POPDC2: variants seen among roughly 807,000 people sequenced by gnomAD.
The protein encoded by POPDC2 is popeye domain-containing protein 2.
POPDC2 carries 24 observed loss-of-function variants against 30.5 expected under a neutral mutation model. That is an observed-to-expected ratio of 0.79 (90% confidence interval 0.57 to 1.11). The LOEUF (loss-of-function observed/expected upper bound fraction) is 1.11. Ranked by LOEUF, POPDC2 falls within the 50% of genes least tolerant of loss-of-function variation. The probability of loss-of-function intolerance (pLI) is 0.00; values close to 1 mark genes in which losing one functional copy is unlikely to be tolerated. For missense variants in POPDC2, 409 were observed against 447.0 expected, an observed-to-expected ratio of 0.91 and a Z score of 0.77; for synonymous variants, 185 against 183.3, an observed-to-expected ratio of 1.01 and a Z score of -0.07.
chr3:119,649,786 T>G (rs1234688367), intron 2 of POPDC2, among the ~76,000 whole-genome samples: 5 of 152,220 alleles, frequency 3.3e-5, no homozygotes. Context: ...ATTCCTGTAT[T>G]GCCTACTGGA....
chr3:119,660,665 T>TC (rs1170255192), upstream of POPDC2: 1,238 of 132,428 alleles, frequency 9.3e-3, 21 homozygotes, highest in Non-Finnish European at 0.012. Context: ...TCCCCCCCTC[T>TC]CTCCTCCCCA....
chr3:119,651,006 C>T (rs77317937), intron 2 of POPDC2, among the ~76,000 whole-genome samples: 2,475 of 152,320 alleles, frequency 0.016, 81 homozygotes, highest in African/African-American at 0.055. Context: ...TTCTCTTTCT[C>T]TCACATACTA....
rs2052771409 is a variant in POPDC2, at chr3:119,648,539, T to C, written c.730A>G (p.Lys244Glu). 1 of 1,612,674 alleles carries C rather than the reference T, an allele frequency of 6.2e-7. No homozygotes were observed. Among genetic ancestry groups the C allele is most frequent in the South Asian group, 1.1e-5 (1 of 91,004 alleles). ...SALLGYDISEKLYTLNDKLFA... is the reference protein window; with the variant it reads ...SALLGYDISEELYTLNDKLFA... ...AGCTTGTCATTGAGAGTGTAGAGCT[T>C]CTCTGAGATGTCATATCCCAGCAGA... The change falls in exon 3 of 4, where the codon AAG becomes GAG. Residue 244 changes from lysine (K) to glutamate (E), a missense_variant. By Grantham distance (56) the Lys-to-Glu change is moderately conservative. Transcript: ENST00000493094.
At chr3:119,652,771 A>C (rs1020487004) in intron 2 of POPDC2, among the ~76,000 whole-genome samples, 1 of 152,164 alleles carries the variant, frequency 6.6e-6, no homozygotes, top group Non-Finnish European at 1.5e-5. Flanking sequence ...AACATGATGG[A>C]AGTGGATCTG....
At chr3:119,655,678 A>C (rs191336804) in intron 1 of POPDC2, among the ~76,000 whole-genome samples, 1 of 152,348 alleles carries the variant, frequency 6.6e-6, no homozygotes, top group Non-Finnish European at 1.5e-5. Flanking sequence ...TGTTCACAAC[A>C]CCACAAGGTA....
intron 1 of POPDC2, among the ~76,000 whole-genome samples, chr3:119,656,621 T>C (rs1304480914): frequency 1.3e-5 from 2 of 152,186 alleles, no homozygotes; most frequent in African/African-American, 4.8e-5. Flanking sequence ...GTATTTCAGA[T>C]GTGAGGCCAC....
chr3:119,643,369 T>C (rs1577165321), intron 3 of POPDC2: 2 of 1,534,754 alleles, frequency 1.3e-6, no homozygotes, highest in Middle Eastern at 1.7e-4. Context: ...TGCTGTACCT[T>C]TTGTTGTCAG....
At chr3:119,648,793 C>T (rs1267108602) in intron 2 of POPDC2, 125 bp from the exon 3 acceptor site, 12 of 795,910 alleles carry the variant, frequency 1.5e-5, no homozygotes, top group African/African-American at 3.5e-5. Flanking sequence ...GTGGGAGTAC[C>T]CCTCTATGGC....
At chr3:119,646,477 T>TA (rs1331347785) in intron 3 of POPDC2, among the ~76,000 whole-genome samples, 3 of 151,868 alleles carry the variant, frequency 2.0e-5, no homozygotes, top group Non-Finnish European at 4.4e-5. Context: ...CAAAAAAATT[T>TA]AAAAATTAAA....
At position 119,642,570 on chromosome 3, in the gene POPDC2, A is replaced by C; in HGVS notation, c.*44-9T>G. ...GAGAGGAATTCTAGAAGCTGTGGAA[A>C]GAAAAAGAGGGAGGATTTTAGCACT... On this transcript the variant is annotated splice_polypyrimidine_tract_variant and intron_variant, in intron 3 of 3. Coordinates refer to ENST00000493094, the MANE Select transcript of POPDC2 (RefSeq NM_001369919.2). 1 of 1,581,362 alleles carries C rather than the reference A, an allele frequency of 6.3e-7. No homozygotes were observed. The highest frequency in any genetic ancestry group is 8.7e-7 in the Non-Finnish European group (1 of 1,150,438).
intron 3 of POPDC2, among the ~76,000 whole-genome samples, chr3:119,645,633 T>C (rs1344550388): frequency 2.0e-5 from 3 of 147,168 alleles, no homozygotes; most frequent in Non-Finnish European, 3.0e-5. Context: ...TGTAATCACA[T>C]GGTAGGTGAT....
At chr3:119,657,453 A>C (rs2052892119) in intron 1 of POPDC2, among the ~76,000 whole-genome samples, 1 of 152,136 alleles carries the variant, frequency 6.6e-6, no homozygotes, top group Non-Finnish European at 1.5e-5. Context: ...TTTATTCAAG[A>C]CTCTGAATAA....
chr3:119,650,542 T>C (rs77524026), intron 2 of POPDC2, among the ~76,000 whole-genome samples: 1 of 152,200 alleles, frequency 6.6e-6, no homozygotes, highest in Non-Finnish European at 1.5e-5. Flanking sequence ...CTCTTTGATA[T>C]ATCTTCTTCA....
chr3:119,655,535 C>A (rs191543602), intron 1 of POPDC2, among the ~76,000 whole-genome samples: 52 of 152,296 alleles, frequency 3.4e-4, no homozygotes, highest in African/African-American at 1.3e-3. Flanking sequence ...TCCACAGATT[C>A]TCCTTTCTCC....
chr3:119,659,757 G>A (rs1361251636), intron 1 of POPDC2, among the ~76,000 whole-genome samples, 176 bp downstream of exon 1: 1 of 152,202 alleles, frequency 6.6e-6, no homozygotes, highest in Non-Finnish European at 1.5e-5. Context: ...TGCCAAGAAA[G>A]AGGAAGCAAC....
chr3:119,656,364 C>A (rs1277035200), intron 1 of POPDC2, among the ~76,000 whole-genome samples: 1 of 152,094 alleles, frequency 6.6e-6, no homozygotes, highest in Non-Finnish European at 1.5e-5. Context: ...GAATTATTTG[C>A]TTTAATTTTA....
Position 119,648,430 on chromosome 3 carries a change from G to A in POPDC2, c.839C>T (p.Pro280Leu). The change falls in exon 3 of 4, where the codon CCA (proline) becomes CTA (leucine). Residue 280 changes from proline (P) to leucine (L), a missense_variant. Physicochemically the swap from Pro to Leu is moderately conservative, Grantham distance 98 (BLOSUM62 -3). Transcript: ENST00000493094. ...TTCCTCATCACCCTTCTCGGACTCT[G>A]GTCCAGCATCTGCAGCAGTGGGACC... Reference protein sequence around the residue: ...VLGPTAADAGPESEKGDEEVC... With the variant: ...VLGPTAADAGLESEKGDEEVC... 1 of 1,614,150 alleles carries A rather than the reference G, an allele frequency of 6.2e-7. No homozygotes were observed. The highest frequency in any genetic ancestry group is 8.5e-7 in the Non-Finnish European group (1 of 1,180,034).
At chr3:119,659,723 A>G (rs960210072) in intron 1 of POPDC2, among the ~76,000 whole-genome samples, 1 of 152,196 alleles carries the variant, frequency 6.6e-6, no homozygotes, top group African/African-American at 2.4e-5. Flanking sequence ...AAGATGCCTC[A>G]TGAACTGGTT....
intron 3 of POPDC2, among the ~76,000 whole-genome samples, chr3:119,643,102 C>A (rs919597946): frequency 3.9e-5 from 6 of 152,174 alleles, no homozygotes; most frequent in Non-Finnish European, 8.8e-5. Flanking sequence ...CTCTAGAGAC[C>A]CCTGCTCTGG....
Sources: gnomAD v4.1 joint callset for allele counts (sites outside exome capture counted in the v4.1 genomes callset) on GRCh38, gnomAD v4.1.1 for gene constraint, MANE v1.5 for transcripts, NCBI Gene and HGNC (gene_info 2026-07-23, HGNC 2026-07-21) for gene names.